The following ZBTB10 variants were observed in gnomAD, a reference collection of about 807,000 sequenced individuals.
ZBTB10 encodes the protein zinc finger and BTB domain containing 10, also known as zinc finger and BTB domain-containing protein 10.
ZBTB10 carries 32 observed loss-of-function variants against 76.4 expected under a neutral mutation model. That is an observed-to-expected ratio of 0.42 (90% CI 0.32 to 0.56). The LOEUF (loss-of-function observed/expected upper bound fraction) is 0.56. Ranked by LOEUF, ZBTB10 falls within the 20% of genes least tolerant of loss-of-function variation. ZBTB10 has a pLI of 0.14. For synonymous variants in ZBTB10, 523 were observed against 432.9 expected (o/e 1.21, Z -2.58); for missense variants, 1,057 against 1,098.5 (o/e 0.96, Z 0.53).
chr8:80,498,082 G>T (rs1585845058), intron 1 of ZBTB10, among the ~76,000 whole-genome samples: 1 of 152,204 alleles, frequency 6.6e-6, no homozygotes, highest in Admixed American at 6.5e-5. Flanking sequence ...GTGGCCTCCT[G>T]TGACATGCAC....
intron 2 of ZBTB10, among the ~76,000 whole-genome samples, chr8:80,513,681 A>G (rs1443408357): frequency 6.6e-6 from 1 of 152,228 alleles, no homozygotes; most frequent in Non-Finnish European, 1.5e-5. Flanking sequence ...TAACAGAAAC[A>G]GGAGTGGCAC....
intron 1 of ZBTB10, among the ~76,000 whole-genome samples, chr8:80,494,394 G>A (rs555269519): frequency 6.6e-6 from 1 of 152,312 alleles, no homozygotes; most frequent in African/African-American, 2.4e-5. Flanking sequence ...CCGCAAAAGT[G>A]TAGGAGACTG....
intron 1 of ZBTB10, among the ~76,000 whole-genome samples, chr8:80,491,152 A>G (rs1235147312): frequency 6.6e-6 from 1 of 152,214 alleles, no homozygotes. Context: ...GCTTCCAGGT[A>G]TGCCAGCTCT....
Position 80,498,125 on chromosome 8 carries a change from A to G in ZBTB10, c.973-1369A>G, listed in dbSNP as rs553788412. ...AAGCTAAAATTTTTATGATTTAGCC[A>G]TGCACATGATTGCATTAAGTCATGT... On this transcript the variant is annotated intron_variant, in intron 1 of 5. Coordinates refer to ENST00000455036, the MANE Select transcript of ZBTB10 (RefSeq NM_001105539.3). Among the ~76,000 whole-genome samples, 22 of 152,334 alleles carry G rather than the reference A, an allele frequency of 1.4e-4. No homozygotes were observed. In the South Asian group the frequency reaches 4.6e-3, roughly 32 times the overall value.
intron 3 of ZBTB10, 99 bp downstream of exon 3, chr8:80,514,107 A>G (rs922291830): frequency 1.3e-5 from 13 of 1,037,522 alleles, no homozygotes; most frequent in East Asian, 2.7e-5. Context: ...AGGGGGTTCT[A>G]TTGTATATAA....
rs546407999 is a variant in ZBTB10, at chr8:80,525,256, T to A, written c.*5728T>A. On this transcript the variant is annotated 3_prime_UTR_variant, in exon 6 of 6. Transcript: ENST00000455036. ...CAGAATTTAGGCTATGACATAACTG[T>A]CTTTCTGAAGTTTAAAGAAAGAAAG... 7.2e-5 allele frequency: 11 copies of A among 152,248 alleles called. No homozygotes were observed. Among genetic ancestry groups the A allele is most frequent in the Non-Finnish European group, 1.5e-4 (10 of 67,998 alleles). The allele number at this position is 152,248 out of a possible 1,614,324, so 9.4% of individuals were successfully genotyped here.
At chr8:80,508,167 G>A (rs970699838) in intron 2 of ZBTB10, among the ~76,000 whole-genome samples, 1 of 152,214 alleles carries the variant, frequency 6.6e-6, no homozygotes, top group African/African-American at 2.4e-5. Flanking sequence ...AAGAGCTGAA[G>A]AAGTCTTATG....
In ZBTB10 at chr8:80,521,599, T is replaced by C. The variant is rs979258999; in HGVS notation, c.*2071T>C. The C allele has an allele frequency of 1.3e-5, 2 of 151,790 alleles. No homozygotes were observed. Among genetic ancestry groups the C allele is most frequent in the Non-Finnish European group, 1.5e-5 (1 of 67,766 alleles). 9.4% of individuals were successfully genotyped at this position (151,790 alleles called of 1,614,324 possible). ...ATTAGACTACAGTTCACTTATTGCA[T>C]AGAAACTGGACTTGGCTTTACATTC... On this transcript the variant is annotated 3_prime_UTR_variant, in exon 6 of 6. Transcript: ENST00000455036.
In ZBTB10 at chr8:80,523,400, T is replaced by A. The variant is rs1222607444; in HGVS notation, c.*3872T>A. The stretch of plus-strand genomic sequence containing the variant: ...CTTTCTTCATAAAGCAGTTGTTTTG[T>A]CACTTTGACTATATTAAGACACATC... On this transcript the variant is annotated 3_prime_UTR_variant, in exon 6 of 6. Coordinates refer to ENST00000455036, the MANE Select transcript of ZBTB10 (RefSeq NM_001105539.3). 6.6e-6 allele frequency: 1 copy of A among 152,016 alleles called. No homozygotes were observed. Among genetic ancestry groups the A allele is most frequent in the Non-Finnish European group, 1.5e-5 (1 of 67,898 alleles). 9.4% of individuals were successfully genotyped at this position (152,016 alleles called of 1,614,324 possible).
chr8:80,485,834 A>T (rs1815429881), upstream of ZBTB10: 1 of 1,535,782 alleles, frequency 6.5e-7, no homozygotes. Context: ...GCAAAGTCCC[A>T]GGTGAACTCG....
intron 1 of ZBTB10, among the ~76,000 whole-genome samples, chr8:80,497,014 T>A: frequency 6.6e-6 from 1 of 152,174 alleles, no homozygotes. Context: ...TTATTTGTAA[T>A]TTCTATAGAG....
intron 1 of ZBTB10, among the ~76,000 whole-genome samples, chr8:80,492,661 T>C (rs1228336492): frequency 1.3e-5 from 2 of 151,884 alleles, no homozygotes; most frequent in African/African-American, 4.8e-5. Flanking sequence ...GTATTTCTAG[T>C]AGAGACGGGG....
intron 1 of ZBTB10, among the ~76,000 whole-genome samples, chr8:80,494,937 AAAAAG>A (rs1380385519): frequency 1.3e-5 from 2 of 151,670 alleles, no homozygotes; most frequent in African/African-American, 4.8e-5. Context: ...AAAAAAAAAA[AAAAAG>A]GAAAAATAGC....
intron 2 of ZBTB10, among the ~76,000 whole-genome samples, chr8:80,510,089 C>A (rs907951746): frequency 1.3e-5 from 2 of 152,118 alleles, no homozygotes; most frequent in Admixed American, 1.3e-4. Flanking sequence ...GCAATGATAG[C>A]TAGTACCTTG....
intron 2 of ZBTB10, among the ~76,000 whole-genome samples, chr8:80,502,270 C>G (rs546669472): frequency 6.1e-4 from 93 of 152,316 alleles, no homozygotes; most frequent in African/African-American, 2.2e-3. Flanking sequence ...GAGTCTCACT[C>G]TGTTGCCCAG....
chr8:80,510,422 G>A (rs973482077), intron 2 of ZBTB10, among the ~76,000 whole-genome samples: 1 of 152,280 alleles, frequency 6.6e-6, no homozygotes, highest in African/African-American at 2.4e-5. Context: ...CTCAGCCTTA[G>A]TTTACTCATT....
At position 80,487,022 on chromosome 8, in the gene ZBTB10, G is replaced by T; in HGVS notation, c.212G>T (p.Gly71Val). The T allele has an allele frequency of 1.3e-6, 2 of 1,518,040 alleles. No homozygotes were observed. Among genetic ancestry groups the T allele is most frequent in the Non-Finnish European group, 1.8e-6 (2 of 1,139,008 alleles). The allele number at this position is 1,518,040 out of a possible 1,614,324, so 94.0% of individuals were successfully genotyped here. A position where few individuals can be genotyped will look rare whatever the true frequency, so the allele number is the denominator to read the frequency against. The part of the protein sequence containing the change: ...RGADEEVELE[G>V]LEPQDLEASA... ...GCCGACGAGGAAGTGGAATTGGAGG[G>T]CCTGGAGCCCCAAGACCTGGAGGCC... Residue 71 changes from glycine (G) to valine (V), a missense_variant, in exon 1 of 6, where the codon GGC becomes GTC. Physicochemically the swap from Gly to Val is moderately radical, Grantham distance 109. Around this residue, in one of 5 missense-constraint regions of ZBTB10, gnomAD observed 556 missense variants for 451.7 expected, o/e 1.23. Coordinates refer to ENST00000455036, the MANE Select transcript of ZBTB10 (RefSeq NM_001105539.3).
chr8:80,493,207 G>GCACACACACACACACACACACA (rs369440030), intron 1 of ZBTB10, among the ~76,000 whole-genome samples: 1 of 125,244 alleles, frequency 8.0e-6, no homozygotes, highest in African/African-American at 3.1e-5. Flanking sequence ...GCGCGCGCGC[G>GCACACACACACACACACACACA]CACACACACA....
At chr8:80,506,592 C>G (rs1461116485) in intron 2 of ZBTB10, among the ~76,000 whole-genome samples, 1 of 147,522 alleles carries the variant, frequency 6.8e-6, no homozygotes, top group Non-Finnish European at 1.5e-5. Context: ...CTCAGCCTCC[C>G]AAAGCGCTGG....
Sources: allele counts gnomAD v4.1 joint callset (sites outside exome capture counted in the v4.1 genomes callset), GRCh38; gene constraint gnomAD v4.1.1; regional missense constraint gnomAD v4.1.1; transcripts MANE v1.5; gene names NCBI Gene and HGNC (gene_info 2026-07-23, HGNC 2026-07-21).